Variants in RAPGEF4 observed in about 807,000 individuals in gnomAD.
The protein encoded by RAPGEF4 is RAP guanine-nucleotide-exchange factor (GEF) 4.
RAPGEF4 carries 66 observed loss-of-function variants against 147.9 expected under a neutral mutation model. That is an observed-to-expected ratio of 0.45 (90% CI 0.37 to 0.55). The LOEUF (loss-of-function observed/expected upper bound fraction) is 0.55, where lower values mean the gene tolerates loss of function less well. Ranked by LOEUF, RAPGEF4 falls within the 20% of genes least tolerant of loss-of-function variation. The pLI is 0.00. For synonymous variants in RAPGEF4, 419 were observed against 442.7 expected (o/e 0.95, Z 0.67); for missense variants, 1,071 against 1,257.3 (o/e 0.85, Z 2.24).
At chr2:172,913,265 C>T (rs181237733) in intron 4 of RAPGEF4, among the ~76,000 whole-genome samples, 16 of 152,294 alleles carry the variant, frequency 1.1e-4, no homozygotes, top group Admixed American at 1.0e-3. Flanking sequence ...ATTCATGCCA[C>T]ACATCTTAGG....
At chr2:172,918,934 A>G (rs72908285) in intron 5 of RAPGEF4, among the ~76,000 whole-genome samples, 2,443 of 152,068 alleles carry the variant, frequency 0.016, 27 homozygotes, top group South Asian at 0.038. Context: ...TCCCTGCTTG[A>G]CCGCAATCCT....
At chr2:173,045,439 C>T (rs1023282173) in intron 29 of RAPGEF4, among the ~76,000 whole-genome samples, 1 of 152,190 alleles carries the variant, frequency 6.6e-6, no homozygotes, top group Admixed American at 6.5e-5. Flanking sequence ...AGAACCAAAA[C>T]TGTCTTATGA....
At chr2:173,002,145 C>T (rs1693996029) in intron 17 of RAPGEF4, among the ~76,000 whole-genome samples, 1 of 152,130 alleles carries the variant, frequency 6.6e-6, no homozygotes, top group South Asian at 2.1e-4. Context: ...TGTGTTCCTC[C>T]TCCGAGCTAT....
intron 4 of RAPGEF4, among the ~76,000 whole-genome samples, chr2:172,843,751 T>G (rs1412312755): frequency 2.0e-5 from 3 of 152,118 alleles, no homozygotes; most frequent in Non-Finnish European, 4.4e-5. Flanking sequence ...GATCTAGATC[T>G]GAGTCATAAT....
At chr2:172,844,476 T>C (rs1287186177) in intron 4 of RAPGEF4, among the ~76,000 whole-genome samples, 1 of 152,216 alleles carries the variant, frequency 6.6e-6, no homozygotes, top group Non-Finnish European at 1.5e-5. Flanking sequence ...CAGGACCTCT[T>C]GCATCCTCTC....
rs116625852 is a variant in RAPGEF4 at position 172,809,412 on chromosome 2, C to G, written c.298-4867C>G. Among the ~76,000 whole-genome samples the G allele has an allele frequency of 9.4e-3, 1,428 of 152,246 alleles. 13 individuals carry two copies. Among genetic ancestry groups the G allele is most frequent in the African/African-American group, 0.032 (1,325 of 41,528 alleles). On this transcript the variant is annotated intron_variant, in intron 3 of 30. Transcript: ENST00000397081. ...GTCACTTTGAGAAGAATTAGGGTACCCAGCAGGTTATCAAGGCAGAGACTC... is the reference window on the plus strand; with the variant it reads ...GTCACTTTGAGAAGAATTAGGGTACGCAGCAGGTTATCAAGGCAGAGACTC...
In RAPGEF4 at chr2:172,988,812, C is replaced by A; in HGVS notation, c.1347C>A (p.Asp449Glu). The A allele has an allele frequency of 6.2e-7, 1 of 1,613,906 alleles. No individual in the cohort carries two copies. Among genetic ancestry groups the A allele is most frequent in the South Asian group, 1.1e-5 (1 of 91,074 alleles). The change falls in exon 14 of 31, where the codon GAC becomes GAA. Residue 449 changes from aspartate to glutamate, a missense_variant. Physicochemically the swap from Asp to Glu is conservative, Grantham distance 45. Coordinates refer to ENST00000397081, the MANE Select transcript of RAPGEF4 (RefSeq NM_007023.4). Reference protein sequence around the residue: ...REDNCHFLRVDKEDFNRILRD... With the variant: ...REDNCHFLRVEKEDFNRILRD... Reference sequence around the variant, plus strand: ...ATAACTGCCATTTCTTAAGAGTAGACAAGGAGGATTTCAACCGGATCCTAA... The same window carrying A: ...ATAACTGCCATTTCTTAAGAGTAGAAAAGGAGGATTTCAACCGGATCCTAA...
intron 4 of RAPGEF4, among the ~76,000 whole-genome samples, chr2:172,898,399 G>C (rs143061163): frequency 0.018 from 2,698 of 152,226 alleles, 88 homozygotes; most frequent in South Asian, 0.13. Context: ...CTTTACTCCA[G>C]TTGAGTAGCT....
intron 4 of RAPGEF4, among the ~76,000 whole-genome samples, chr2:172,845,189 T>TTATGTGG (rs1180809474): frequency 6.6e-6 from 1 of 152,188 alleles, no homozygotes; most frequent in Non-Finnish European, 1.5e-5. Flanking sequence ...GTTCTTTGAG[T>TTATGTGG]TATGTGGGGA....
At chr2:172,933,219 T>A (rs1293722837) in intron 6 of RAPGEF4, among the ~76,000 whole-genome samples, 2 of 152,072 alleles carry the variant, frequency 1.3e-5, no homozygotes, top group Non-Finnish European at 2.9e-5. Flanking sequence ...GTGTACTTCA[T>A]GGAAAGCTAG....
intron 17 of RAPGEF4, among the ~76,000 whole-genome samples, chr2:173,001,699 G>A (rs1693938087): frequency 6.6e-6 from 1 of 152,096 alleles, no homozygotes; most frequent in African/African-American, 2.4e-5. Context: ...CTCTGTTTCT[G>A]GGGAGGACTT....
At chr2:172,976,079 T>C (rs1000732653) in intron 10 of RAPGEF4, among the ~76,000 whole-genome samples, 1 of 152,364 alleles carries the variant, frequency 6.6e-6, no homozygotes. Flanking sequence ...TTTTGCCCTT[T>C]ATTGCAGTTA....
rs528304125 is a variant in RAPGEF4, at chr2:173,007,997, G to A, written c.1659-6467G>A. On this transcript the variant is annotated intron_variant, in intron 17 of 30. Transcript: ENST00000397081. The stretch of plus-strand genomic sequence containing the variant: ...TATGTCCCCACCCAAATCTCATCTC[G>A]AATTGTAATCTGAATTTTAATCCCC... 3.9e-5 allele frequency among the ~76,000 whole-genome samples: 6 copies of A among 152,104 alleles called. No homozygotes were observed. The East Asian group carries it at 7.7e-4, about 20-fold the overall frequency.
chr2:172,956,197 G>A (rs1336185197), intron 6 of RAPGEF4, among the ~76,000 whole-genome samples: 5 of 152,074 alleles, frequency 3.3e-5, no homozygotes, highest in Non-Finnish European at 5.9e-5. Context: ...CTCAGGCCCT[G>A]GTCATGCTTC....
chr2:172,908,903 C>T (rs906247153), intron 4 of RAPGEF4, among the ~76,000 whole-genome samples: 4 of 152,144 alleles, frequency 2.6e-5, no homozygotes, highest in African/African-American at 4.8e-5. Flanking sequence ...GGAGCCAAGC[C>T]GGCCAAGTGC....
intron 17 of RAPGEF4, among the ~76,000 whole-genome samples, chr2:173,007,449 A>G (rs1694595392): frequency 6.6e-6 from 1 of 152,248 alleles, no homozygotes; most frequent in Non-Finnish European, 1.5e-5. Context: ...ACTTAAACCC[A>G]GAAATGCCAG....
intron 10 of RAPGEF4, among the ~76,000 whole-genome samples, chr2:172,974,991 G>T (rs950030046): frequency 6.6e-6 from 1 of 152,158 alleles, no homozygotes; most frequent in African/African-American, 2.4e-5. Flanking sequence ...CAAACTGATT[G>T]CACAGAAATG....
intron 5 of RAPGEF4, among the ~76,000 whole-genome samples, chr2:172,919,356 CT>C (rs1392841559): frequency 1.3e-5 from 2 of 152,144 alleles, no homozygotes; most frequent in East Asian, 3.9e-4. Flanking sequence ...TTGCCCCATA[CT>C]TCTTGAATAA....
chr2:172,810,590 C>T (rs919154015), intron 3 of RAPGEF4, among the ~76,000 whole-genome samples: 39 of 152,328 alleles, frequency 2.6e-4, no homozygotes, highest in Admixed American at 8.5e-4. Context: ...AGCCAGATGG[C>T]GTGTCGGTGA....
Sources: gnomAD v4.1 joint callset for allele counts (sites outside exome capture counted in the v4.1 genomes callset) on GRCh38, gnomAD v4.1.1 for gene constraint, MANE v1.5 for transcripts, NCBI Gene and HGNC (gene_info 2026-07-23, HGNC 2026-07-21) for gene names.